SCN3A: variants seen among roughly 807,000 people sequenced by gnomAD.
SCN3A encodes sodium channel protein type 3 subunit alpha.
A neutral mutation model predicts 187.6 loss-of-function variants in SCN3A; 60 were observed. The ratio of observed to expected loss-of-function variants is 0.32; its 90% CI spans 0.26 to 0.40. The LOEUF (loss-of-function observed/expected upper bound fraction) is 0.40. Ranked by LOEUF, SCN3A falls within the 10% of genes least tolerant of loss-of-function variation. The pLI is 1.00. For missense variants in SCN3A, 1,601 were observed against 2,428.2 expected, an observed-to-expected ratio of 0.66 and a Z score of 7.16; for synonymous variants, 788 against 829.2, an observed-to-expected ratio of 0.95 and a Z score of 0.85.
In SCN3A at chr2:165,088,153, G is replaced by T. The variant is rs1684920994; in HGVS notation, c.*1997C>A. ...CAATAAGTGAAATGCAATAAAAAAT[G>T]AAATTTATTCTTTTGGCTCAATAAT... On this transcript the variant is annotated 3_prime_UTR_variant, in exon 28 of 28. Transcript: ENST00000283254. The T allele has an allele frequency of 6.6e-6, 1 of 152,446 alleles. No individual in the cohort carries two copies. The highest frequency in any genetic ancestry group is 2.4e-5 in the African/African-American group (1 of 41,402). 9.4% of individuals were successfully genotyped at this position (152,446 alleles called of 1,614,324 possible).
intron 7 of SCN3A, 105 bp downstream of exon 7, chr2:165,163,513 G>A (rs185141571): frequency 1.5e-3 from 1,967 of 1,291,106 alleles, no homozygotes; most frequent in Non-Finnish European, 2.0e-3. Flanking sequence ...ATTATTTAAC[G>A]GGATGAACTG....
At chr2:165,177,306 G>A (rs376192442) in intron 2 of SCN3A, among the ~76,000 whole-genome samples, 31 of 152,196 alleles carry the variant, frequency 2.0e-4, no homozygotes, top group East Asian at 1.5e-3. Flanking sequence ...TGGCTCTGCC[G>A]CTTATGAGCT....
intron 10 of SCN3A, 77 bp from the exon 11 acceptor site, chr2:165,154,735 A>G: frequency 7.1e-7 from 1 of 1,400,164 alleles, no homozygotes; most frequent in South Asian, 1.2e-5. Flanking sequence ...CCACAGTTAG[A>G]TAGTCAGTAG....
At position 165,096,483 on chromosome 2, in the gene SCN3A, G is replaced by C; in HGVS notation, c.4277C>G (p.Ala1426Gly). 6.2e-7 allele frequency: 1 copy of C among 1,610,600 alleles called. No individual in the cohort carries two copies. Among genetic ancestry groups the C allele is most frequent in the Non-Finnish European group, 8.5e-7 (1 of 1,177,188 alleles). ...FKGWMDIMYA[A>G]VDSRDVKLQP... ...GATACTTACATCTCGTGAATCAACA[G>C]CTGCATACATAATATCCATCCAGCC... Residue 1426 changes from alanine to glycine, a missense_variant, in exon 24 of 28, where the codon GCT becomes GGT. Ala to Gly is a moderately conservative substitution (Grantham distance 60, BLOSUM62 0). Transcript: ENST00000283254.
intron 21 of SCN3A, among the ~76,000 whole-genome samples, chr2:165,109,009 A>G (rs1331330315): frequency 6.6e-6 from 1 of 152,138 alleles, no homozygotes; most frequent in Non-Finnish European, 1.5e-5. Context: ...CCAAATCCAA[A>G]TGTCAATTTT....
At chr2:165,139,296 G>C (rs1559220927) in intron 14 of SCN3A, among the ~76,000 whole-genome samples, 180 bp downstream of exon 14, 2 of 152,156 alleles carry the variant, frequency 1.3e-5, no homozygotes, top group Non-Finnish European at 2.9e-5. Flanking sequence ...AAGTCAAAAA[G>C]AAATAAGGCC....
At chr2:165,165,149 T>A (rs1559252536) in intron 5 of SCN3A, among the ~76,000 whole-genome samples, 2 of 152,108 alleles carry the variant, frequency 1.3e-5, no homozygotes, top group Non-Finnish European at 2.9e-5. Flanking sequence ...GAAAATATAT[T>A]TCTTTTTTTT....
At chr2:165,104,578 A>C (rs1460500795) in intron 21 of SCN3A, among the ~76,000 whole-genome samples, 5 of 151,918 alleles carry the variant, frequency 3.3e-5, no homozygotes, top group African/African-American at 1.2e-4. Flanking sequence ...AATATTTTTA[A>C]TAGTCTTGAA....
At chr2:165,114,062 G>C in intron 19 of SCN3A, 92 bp from the exon 20 acceptor site, 1 of 740,558 alleles carries the variant, frequency 1.4e-6, no homozygotes, top group Non-Finnish European at 2.1e-6. Context: ...CCACTTCCAG[G>C]TAATCATTTC....
At chr2:165,105,846 A>G (rs1685827143) in intron 21 of SCN3A, among the ~76,000 whole-genome samples, 3 of 152,250 alleles carry the variant, frequency 2.0e-5, no homozygotes, top group Admixed American at 2.0e-4. Context: ...CCTGGGTGAC[A>G]GAGAGAGACT....
chr2:165,109,639 T>G (rs1489915360), intron 21 of SCN3A, among the ~76,000 whole-genome samples: 1 of 152,148 alleles, frequency 6.6e-6, no homozygotes, highest in Non-Finnish European at 1.5e-5. Context: ...TTTCTTGCAT[T>G]ATTAAAACAA....
At chr2:165,180,791 T>C (rs897366735) in intron 2 of SCN3A, among the ~76,000 whole-genome samples, 1 of 152,020 alleles carries the variant, frequency 6.6e-6, no homozygotes, top group Non-Finnish European at 1.5e-5. Flanking sequence ...AATGTGAAGA[T>C]TGGAAAGATG....
rs956473846 is a variant in SCN3A at position 165,189,872 on chromosome 2, T to C, written c.-247-3125A>G. ...TATTTTCTTTCAATTGTTTTTATCTTCCTTTATACTGATGACATGATATAC... is the reference window on the plus strand; with the variant it reads ...TATTTTCTTTCAATTGTTTTTATCTCCCTTTATACTGATGACATGATATAC... On this transcript the variant is annotated intron_variant, in intron 1 of 27. Transcript: ENST00000283254. 2.0e-5 allele frequency among the ~76,000 whole-genome samples: 3 copies of C among 152,226 alleles called. No individual in the cohort carries two copies. In the South Asian group the frequency reaches 6.2e-4, roughly 31 times the overall value.
intron 18 of SCN3A, among the ~76,000 whole-genome samples, chr2:165,117,031 T>G (rs905299976): frequency 1.3e-5 from 2 of 150,660 alleles, no homozygotes; most frequent in Non-Finnish European, 3.0e-5. Context: ...TCTCCTAGGA[T>G]TTTTCTGCTT....
chr2:165,197,591 T>A (rs546498457), intron 1 of SCN3A, among the ~76,000 whole-genome samples: 3 of 151,900 alleles, frequency 2.0e-5, no homozygotes, highest in Admixed American at 1.3e-4. Context: ...GCTGTGTTTT[T>A]TTTTTTTCTC....
chr2:165,102,800 A>T (rs1685671044), intron 21 of SCN3A, among the ~76,000 whole-genome samples: 2 of 152,194 alleles, frequency 1.3e-5, no homozygotes, highest in Admixed American at 1.3e-4. Context: ...AATTTCTAGA[A>T]GTTCCCAAGG....
chr2:165,120,051 A>G (rs556267044), intron 18 of SCN3A, among the ~76,000 whole-genome samples: 1 of 152,290 alleles, frequency 6.6e-6, no homozygotes, highest in East Asian at 1.9e-4. Flanking sequence ...GTGGGTCTAC[A>G]GAGGGATGAT....
At chr2:165,160,504 T>C (rs1410357640) in intron 9 of SCN3A, among the ~76,000 whole-genome samples, 1 of 152,198 alleles carries the variant, frequency 6.6e-6, no homozygotes, top group African/African-American at 2.4e-5. Flanking sequence ...TATGGTTTAA[T>C]AGGAATAAAG....
Position 165,091,308 on chromosome 2 carries a change from C to T in SCN3A, c.4845G>A (p.Val1615=), listed in dbSNP as rs372286551. ...GGATCACTCGGAACAAGGTAGGGGA[C>T]ACAAAATACTTTTCTATCATCTCAG... ...FLAEMIEKYF[V]SPTLFRVIRL... is the part of the protein sequence containing the mutation. The change falls in exon 28 of 28, where the codon GTG becomes GTA. Residue 1615 remains valine (V), a synonymous_variant. Transcript: ENST00000283254. 50 of 1,613,936 alleles carry T rather than the reference C, an allele frequency of 3.1e-5. No individual in the cohort carries two copies. The highest frequency in any genetic ancestry group is 4.0e-5 in the Non-Finnish European group (47 of 1,179,972).
Sources: allele counts gnomAD v4.1 joint callset (sites outside exome capture counted in the v4.1 genomes callset), GRCh38; gene constraint gnomAD v4.1.1; transcripts MANE v1.5; gene names NCBI Gene and HGNC (gene_info 2026-07-23, HGNC 2026-07-21).